The following DOT1L variants were observed in gnomAD, a reference collection of about 807,000 sequenced individuals.
The protein encoded by DOT1L is DOT1 like histone lysine methyltransferase.
A neutral mutation model predicts 153.3 loss-of-function variants in DOT1L; 33 were observed. The ratio of observed to expected loss-of-function variants is 0.22; its 90% confidence interval spans 0.16 to 0.29. The LOEUF is 0.29. Ranked by LOEUF, DOT1L falls within the 10% of genes least tolerant of loss-of-function variation. The pLI is 1.00. For synonymous variants in DOT1L, 1,135 were observed against 965.1 expected, an observed-to-expected ratio of 1.18 and a Z score of -3.26; for missense variants, 1,847 against 2,119.9, an observed-to-expected ratio of 0.87 and a Z score of 2.53.
intron 1 of DOT1L, among the ~76,000 whole-genome samples, chr19:2,174,174 G>A (rs1446207604): frequency 6.6e-6 from 1 of 152,192 alleles, no homozygotes; most frequent in Non-Finnish European, 1.5e-5. Flanking sequence ...CTGAAGCCTT[G>A]TCAGCCATCC....
Position 2,216,489 on chromosome 19 carries a change from T to G in DOT1L, c.2132T>G (p.Leu711Arg), listed in dbSNP as rs1343543105. ...CACTTGAGCAGCATGAGCCCGGAGC[T>G]CTCCATGAACGGCCAGGCTGCTGGC... ...LPHLSSMSPE[L>R]SMNGQAAGYE... The change falls in exon 20 of 28, where the codon CTC becomes CGC. Residue 711 changes from leucine (L) to arginine (R), a missense_variant. By Grantham distance (102) the Leu-to-Arg change is moderately radical. Coordinates refer to ENST00000398665, the MANE Select transcript of DOT1L (RefSeq NM_032482.3). 2 of 1,612,470 alleles carry G rather than the reference T, an allele frequency of 1.2e-6. No individual in the cohort carries two copies. Among genetic ancestry groups the G allele is most frequent in the Admixed American group, 3.3e-5 (2 of 59,994 alleles).
chr19:2,168,887 TA>T (rs1369233004), intron 1 of DOT1L, among the ~76,000 whole-genome samples: 1 of 152,170 alleles, frequency 6.6e-6, no homozygotes. Context: ...GTGCTAGGAT[TA>T]CAGGCATGAG....
At chr19:2,218,958 G>T (rs1278612096) in intron 22 of DOT1L, among the ~76,000 whole-genome samples, 3 of 151,994 alleles carry the variant, frequency 2.0e-5, no homozygotes, top group Non-Finnish European at 4.4e-5. Context: ...TGCAGCCTCC[G>T]CCTGCTGGGT....
rs138541851 is a variant in DOT1L at position 2,216,416 on chromosome 19, G to A, written c.2059G>A (p.Ala687Thr). 115 of 1,612,436 alleles carry A rather than the reference G, an allele frequency of 7.1e-5. 1 individual carries two copies. The Middle Eastern group carries it at 1.0e-3, about 14-fold the overall frequency. Reference protein sequence around the residue: ...GALGRELEPDASRLHLELDCT... With the variant: ...GALGRELEPDTSRLHLELDCT... Reference sequence around the variant, plus strand: ...CCTGGGCCGCGAGCTGGAGCCTGACGCCAGCCGGCTGCACCTGGAGCTGGA... The same window carrying A: ...CCTGGGCCGCGAGCTGGAGCCTGACACCAGCCGGCTGCACCTGGAGCTGGA... The change falls in exon 20 of 28, where the codon GCC becomes ACC. Residue 687 changes from alanine to threonine, a missense_variant. By Grantham distance (58) the Ala-to-Thr change is moderately conservative. Transcript: ENST00000398665.
Position 2,226,235 on chromosome 19 carries a change from C to T in DOT1L, c.3714C>T (p.Ser1238=), listed in dbSNP as rs376490761. 5.8e-6 allele frequency: 9 copies of T among 1,555,322 alleles called. No homozygotes were observed. In the African/African-American group the frequency reaches 1.1e-4, roughly 19 times the overall value. Residue 1238 remains serine, a synonymous_variant, in exon 27 of 28, where the codon AGC becomes AGT. Coordinates refer to ENST00000398665, the MANE Select transcript of DOT1L (RefSeq NM_032482.3). ...KPAPAGEPVN[S]SKWKSTFSPI... Reference sequence around the variant, plus strand: ...CGCCCGCCGGCGAGCCAGTCAATAGCAGCAAGTGGAAGTCCACCTTCTCGC... The same window carrying T: ...CGCCCGCCGGCGAGCCAGTCAATAGTAGCAAGTGGAAGTCCACCTTCTCGC...
intron 5 of DOT1L, among the ~76,000 whole-genome samples, chr19:2,192,089 C>T (rs1599562547): frequency 1.3e-5 from 2 of 152,226 alleles, no homozygotes; most frequent in Non-Finnish European, 2.9e-5. Flanking sequence ...CTCCTTGGAC[C>T]TCGATGGACA....
In DOT1L at chr19:2,193,702, C is replaced by G. The variant is rs760870688; in HGVS notation, c.507C>G (p.Val169=). 2 of 1,614,106 alleles carry G rather than the reference C, an allele frequency of 1.2e-6. No homozygotes were observed. Among genetic ancestry groups the G allele is most frequent in the South Asian group, 2.2e-5 (2 of 91,080 alleles). Residue 169 remains valine, a synonymous_variant, in exon 6 of 28, where the codon GTC becomes GTG. Transcript: ENST00000398665. This position sits in a 1 kb window ranked among gnomAD's most constrained non-coding sequence, Gnocchi z 5.9. ...CTCTGATCATAGGTGTGGGCCAGGT[C>G]GTGCTCCAGGTTGCTGCTGCCACCA... ...FVDLGSGVGQ[V]VLQVAAATNC...
Position 2,206,760 on chromosome 19 carries a change from A to G in DOT1L, c.819A>G (p.Ala273=), listed in dbSNP as rs753107452. Residue 273 remains alanine (A), a synonymous_variant, in exon 10 of 28, where the codon GCA becomes GCG. Transcript: ENST00000398665. ...GAATCGTGTCCTCGAAACCCTTTGC[A>G]CCTCTGAACTTCAGAATAAACAGTA... ...GGRIVSSKPF[A]PLNFRINSRN... is the part of the protein sequence containing the mutation. 20 of 1,613,832 alleles carry G rather than the reference A, an allele frequency of 1.2e-5. No individual in the cohort carries two copies. The African/African-American group carries it at 2.7e-4, about 22-fold the overall frequency.
intron 8 of DOT1L, among the ~76,000 whole-genome samples, chr19:2,200,415 C>T (rs1269522208): frequency 6.6e-6 from 1 of 152,314 alleles, no homozygotes; most frequent in East Asian, 1.9e-4. Flanking sequence ...CGCACCCAGG[C>T]CTGGGAGCTC....
intron 12 of DOT1L, among the ~76,000 whole-genome samples, chr19:2,210,050 G>T (rs1422102322): frequency 6.6e-6 from 1 of 152,218 alleles, no homozygotes; most frequent in Non-Finnish European, 1.5e-5. Context: ...GGAGGCTGTG[G>T]GCTGTGGCTT....
rs745728017 is a variant in DOT1L, at chr19:2,226,585, C to G, written c.4064C>G (p.Ser1355Trp). Residue 1355 changes from serine (S) to tryptophan (W), a missense_variant, in exon 27 of 28, where the codon TCG becomes TGG. Physicochemically the swap from Ser to Trp is radical, Grantham distance 177 (BLOSUM62 -3). Around this residue, in one of 8 missense-constraint regions of DOT1L, gnomAD observed 934 missense variants for 825.3 expected, o/e 1.13. Coordinates refer to ENST00000398665, the MANE Select transcript of DOT1L (RefSeq NM_032482.3). Reference protein sequence around the residue: ...AGLSSPLSFPSQRGKEGSDAN... With the variant: ...AGLSSPLSFPWQRGKEGSDAN... ...CTGAGCTCCCCGCTGAGCTTCCCCT[C>G]GCAGCGCGGCAAGGAGGGCTCGGAC... 1.3e-5 allele frequency: 21 copies of G among 1,599,706 alleles called. No homozygotes were observed. Among genetic ancestry groups the G allele is most frequent in the Non-Finnish European group, 1.8e-5 (21 of 1,177,808 alleles).
chr19:2,180,966 G>T (rs1355283128), intron 2 of DOT1L, among the ~76,000 whole-genome samples: 1 of 152,180 alleles, frequency 6.6e-6, no homozygotes, highest in Non-Finnish European at 1.5e-5. Flanking sequence ...TTGAGCTGCT[G>T]GGGTGTCCAG....
intron 9 of DOT1L, 81 bp downstream of exon 9, chr19:2,202,860 G>A (rs2023344293): frequency 7.1e-7 from 1 of 1,416,858 alleles, no homozygotes; most frequent in Non-Finnish European, 1.0e-6. Context: ...AGGGTGTCCT[G>A]CAGAAGGCAG....
At chr19:2,175,787 G>A (rs1013406120) in intron 1 of DOT1L, among the ~76,000 whole-genome samples, 1 of 152,146 alleles carries the variant, frequency 6.6e-6, no homozygotes, top group African/African-American at 2.4e-5. Context: ...CCGAGACTGC[G>A]CCATTGAACC....
chr19:2,214,789 C>G, intron 19 of DOT1L, 193 bp downstream of exon 19: 1 of 750,836 alleles, frequency 1.3e-6, no homozygotes, highest in Non-Finnish European at 2.0e-6. Flanking sequence ...CTGCCTCACT[C>G]TAGCCCTCAG....
chr19:2,183,630 C>CTT (rs34433988), intron 2 of DOT1L, among the ~76,000 whole-genome samples: 4 of 144,128 alleles, frequency 2.8e-5, no homozygotes, highest in South Asian at 2.2e-4. Flanking sequence ...TGCTTCAGTG[C>CTT]TTTTTTTTTT....
rs1372615854 is a variant in DOT1L at position 2,217,296 on chromosome 19, T to C, written c.2544+206T>C. ...CGTTGGGCAGGTGCCATGGAGGACA[T>C]GGGGTTTGTCAGGGTGTCCCTGATG... On this transcript the variant is annotated intron_variant, in intron 21 of 27. Transcript: ENST00000398665. This position sits in a 1 kb window ranked among gnomAD's most constrained non-coding sequence, Gnocchi z 7.3. Among the ~76,000 whole-genome samples, 1 of 151,866 alleles carries C rather than the reference T, an allele frequency of 6.6e-6. No homozygotes were observed. Among genetic ancestry groups the C allele is most frequent in the Admixed American group, 6.6e-5 (1 of 15,250 alleles).
In DOT1L at chr19:2,223,378, C is replaced by T; in HGVS notation, c.3488C>T (p.Pro1163Leu). The T allele has an allele frequency of 1.2e-6, 2 of 1,613,828 alleles. No homozygotes were observed. The highest frequency in any genetic ancestry group is 1.3e-5 in the African/African-American group (1 of 74,974). ...SPVPYQDHDQPPVLKKERPLS... is the reference protein window; with the variant it reads ...SPVPYQDHDQLPVLKKERPLS... ...GTGCCCTACCAGGACCACGACCAGCCCCCCGTGCTCAAGAAGGAGCGGCCT... is the reference window on the plus strand; with the variant it reads ...GTGCCCTACCAGGACCACGACCAGCTCCCCGTGCTCAAGAAGGAGCGGCCT... The change falls in exon 25 of 28, where the codon CCC becomes CTC. Residue 1163 changes from proline (P) to leucine (L), a missense_variant. By Grantham distance (98) the Pro-to-Leu change is moderately conservative (BLOSUM62 -3). Transcript: ENST00000398665.
chr19:2,209,253 C>T (rs972697914), intron 12 of DOT1L, among the ~76,000 whole-genome samples: 1 of 152,210 alleles, frequency 6.6e-6, no homozygotes, highest in Non-Finnish European at 1.5e-5. Context: ...CCCCCACCCT[C>T]CCTCTCCGTT....
Sources: gnomAD v4.1 joint callset for allele counts (sites outside exome capture counted in the v4.1 genomes callset) on GRCh38, gnomAD v4.1.1 for gene constraint, gnomAD v4.1.1 regional missense constraint, Gnocchi (gnomAD v3.1) non-coding constraint, MANE v1.5 for transcripts, NCBI Gene and HGNC (gene_info 2026-07-23, HGNC 2026-07-21) for gene names.